Variants in CCNH observed in about 807,000 individuals in gnomAD.
CCNH encodes the protein cyclin H, also known as cyclin-H.
A neutral mutation model predicts 41.9 loss-of-function variants in CCNH; 31 were observed. The observed-to-expected ratio is 0.74, with a 90% CI of 0.56 to 1.00. The LOEUF (loss-of-function observed/expected upper bound fraction) is 1.00, where lower values mean the gene tolerates loss of function less well. Ranked by LOEUF, CCNH falls within the 50% of genes least tolerant of loss-of-function variation. CCNH has a pLI of 0.00. For missense variants in CCNH, 362 were observed against 388.4 expected, an observed-to-expected ratio of 0.93 and a Z score of 0.57; for synonymous variants, 138 against 136.1, an observed-to-expected ratio of 1.01 and a Z score of -0.10.
At chr5:87,386,249 G>A (rs1762054276) in intron 9 of CCNH, among the ~76,000 whole-genome samples, 1 of 151,944 alleles carries the variant, frequency 6.6e-6, no homozygotes, top group African/African-American at 2.4e-5. Context: ...GATTTTAAAA[G>A]AGTGTGTTAA....
rs1761341362 is a variant in CCNH at position 87,376,566 on chromosome 5, G to T, written n.615C>A. ...AGAAGAGTACAGTGAATTTAAAGAGGTATTAAATTATTTATCAGTCTTGTT... is the reference window on the plus strand; with the variant it reads ...AGAAGAGTACAGTGAATTTAAAGAGTTATTAAATTATTTATCAGTCTTGTT... On this transcript the variant is annotated non_coding_transcript_exon_variant, in exon 1 of 1. Coordinates refer to the CCNH transcript ENST00000607486. 6.2e-7 allele frequency: 1 copy of T among 1,611,600 alleles called. No homozygotes were observed. The highest frequency in any genetic ancestry group is 8.5e-7 in the Non-Finnish European group (1 of 1,177,842).
intron 9 of CCNH, among the ~76,000 whole-genome samples, chr5:87,343,582 A>G (rs1381055957): frequency 6.6e-6 from 1 of 152,184 alleles, no homozygotes; most frequent in African/African-American, 2.4e-5. Flanking sequence ...AATGCTAGTG[A>G]GGATGTGGAG....
downstream of CCNH, among the ~76,000 whole-genome samples, chr5:87,389,851 CTGTCT>C (rs777338905): frequency 3.3e-4 from 50 of 152,038 alleles, no homozygotes; most frequent in Admixed American, 3.0e-3. Context: ...CTTTCAGTTT[CTGTCT>C]TGTCTTTTCT....
chr5:87,328,040 A>G (rs1160284609), intron 9 of CCNH, among the ~76,000 whole-genome samples: 1 of 151,992 alleles, frequency 6.6e-6, no homozygotes, highest in East Asian at 1.9e-4. Context: ...TGTTTTTTAC[A>G]TTGGCATGGT....
At chr5:87,391,357 A>G (rs1165505600), downstream of CCNH, 5 of 282,574 alleles carry the variant, frequency 1.8e-5, no homozygotes, top group Non-Finnish European at 3.4e-5. Context: ...TGACCATTTG[A>G]CTGTTCAATG....
chr5:87,385,455 A>G, intron 9 of CCNH: 2 of 1,224,672 alleles, frequency 1.6e-6, no homozygotes, highest in South Asian at 2.5e-5. Flanking sequence ...AAAACCATAA[A>G]TTGTGGCTTA....
intron 9 of CCNH, among the ~76,000 whole-genome samples, chr5:87,324,299 C>T (rs968505939): frequency 2.0e-5 from 3 of 152,162 alleles, no homozygotes; most frequent in African/African-American, 7.2e-5. Context: ...CCTTTTCCTC[C>T]TCTCTTTCAA....
chr5:87,374,797 T>C (rs1239574699), downstream of CCNH: 2 of 1,604,334 alleles, frequency 1.2e-6, no homozygotes, highest in East Asian at 2.3e-5. Context: ...GGTAGTTTGA[T>C]GCCAAAACAT....
chr5:87,351,073 A>G (rs1759233110), intron 9 of CCNH, among the ~76,000 whole-genome samples: 1 of 151,580 alleles, frequency 6.6e-6, no homozygotes, highest in Non-Finnish European at 1.5e-5. Flanking sequence ...CTGCTGTCCC[A>G]TCTCCCCATT....
the CCNH span, among the ~76,000 whole-genome samples, chr5:87,311,996 G>A: frequency 6.6e-6 from 1 of 152,192 alleles, no homozygotes; most frequent in South Asian, 2.1e-4. Flanking sequence ...ACTGCATACT[G>A]GTGATATATA....
intron 9 of CCNH, among the ~76,000 whole-genome samples, chr5:87,334,267 G>T (rs1757802454): frequency 6.6e-6 from 1 of 152,148 alleles, no homozygotes; most frequent in Non-Finnish European, 1.5e-5. Flanking sequence ...TCTGAGGGCA[G>T]GAGAAGATGA....
chr5:87,390,351 A>T (rs1762410086), downstream of CCNH, among the ~76,000 whole-genome samples: 1 of 152,134 alleles, frequency 6.6e-6, no homozygotes, highest in Admixed American at 6.6e-5. Flanking sequence ...TGTAGAAGGG[A>T]TTAAAGCATT....
chr5:87,376,964 A>G lies in CCNH; in HGVS notation n.217T>C. On this transcript the variant is annotated non_coding_transcript_exon_variant, in exon 1 of 1. Transcript: ENST00000607486. Reference sequence around the variant, plus strand: ...ACCGAACACTACTGGCCAGCATCCTACTGAGGATTTTTCTTCACGAAAAGC... The same window carrying G: ...ACCGAACACTACTGGCCAGCATCCTGCTGAGGATTTTTCTTCACGAAAAGC... 3 of 1,612,104 alleles carry G rather than the reference A, an allele frequency of 1.9e-6. No homozygotes were observed. The highest frequency in any genetic ancestry group is 1.7e-6 in the Non-Finnish European group (2 of 1,178,204).
chr5:87,377,461 G>T (rs1761403728), upstream of CCNH, among the ~76,000 whole-genome samples: 1 of 152,128 alleles, frequency 6.6e-6, no homozygotes, highest in Non-Finnish European at 1.5e-5. Context: ...CTCCTAAGTA[G>T]CTGGGACTAC....
intron 9 of CCNH, among the ~76,000 whole-genome samples, chr5:87,330,315 A>C (rs1246287410): frequency 6.6e-6 from 1 of 152,122 alleles, no homozygotes; most frequent in Non-Finnish European, 1.5e-5. Flanking sequence ...ATTGGCTTAT[A>C]TATTATATAA....
At chr5:87,392,222 T>A (rs1762576679), downstream of CCNH, 1 of 455,434 alleles carries the variant, frequency 2.2e-6, no homozygotes, top group Non-Finnish European at 4.4e-6. Context: ...AGCCCTAGAT[T>A]CCAAGAGCAA....
intron 9 of CCNH, among the ~76,000 whole-genome samples, chr5:87,382,767 T>G (rs1214716757): frequency 6.6e-6 from 1 of 152,162 alleles, no homozygotes; most frequent in Non-Finnish European, 1.5e-5. Context: ...TTTAAAACTT[T>G]AGAATTCCTA....
At chr5:87,385,560 T>C (rs1190596918) in intron 9 of CCNH, among the ~76,000 whole-genome samples, 1 of 152,232 alleles carries the variant, frequency 6.6e-6, no homozygotes, top group African/African-American at 2.4e-5. Flanking sequence ...TACATTTTAA[T>C]AGTGGAACTT....
upstream of CCNH, among the ~76,000 whole-genome samples, chr5:87,380,985 ACT>A (rs1237767950): frequency 6.6e-6 from 1 of 152,164 alleles, no homozygotes; most frequent in African/African-American, 2.4e-5. Flanking sequence ...ACAATCTGTG[ACT>A]CTGAGCTAAT....
Sources: allele counts gnomAD v4.1 joint callset (sites outside exome capture counted in the v4.1 genomes callset), GRCh38; gene constraint gnomAD v4.1.1; transcripts MANE v1.5; gene names NCBI Gene and HGNC (gene_info 2026-07-23, HGNC 2026-07-21).